ZDHHC17: variants seen among roughly 807,000 people sequenced by gnomAD.
ZDHHC17 encodes the protein zDHHC palmitoyltransferase 17, also known as palmitoyltransferase ZDHHC17.
A neutral mutation model predicts 90.3 loss-of-function variants in ZDHHC17; 40 were observed. The observed-to-expected ratio is 0.44, with a 90% CI of 0.34 to 0.58. ZDHHC17 has a LOEUF of 0.58. ZDHHC17 is among the 20% of genes least tolerant of loss of function. ZDHHC17 has a pLI of 0.01. For missense variants in ZDHHC17, 614 were observed against 780.8 expected (o/e 0.79, Z 2.55); for synonymous variants, 235 against 252.4 (o/e 0.93, Z 0.65).
chr12:76,805,101 G>A (rs1037080700), intron 2 of ZDHHC17, among the ~76,000 whole-genome samples: 1 of 152,052 alleles, frequency 6.6e-6, no homozygotes, highest in Admixed American at 6.6e-5. Flanking sequence ...CATATAGTGA[G>A]ATTTTACATT....
chr12:76,800,481 T>C (rs1845421099), intron 2 of ZDHHC17, among the ~76,000 whole-genome samples: 1 of 152,242 alleles, frequency 6.6e-6, no homozygotes, highest in African/African-American at 2.4e-5. Flanking sequence ...GTTTCTCTCT[T>C]CAGTTCTGTC....
chr12:76,840,535 T>G (rs1953422986), intron 10 of ZDHHC17: 1 of 152,122 alleles, frequency 6.6e-6, no homozygotes, highest in African/African-American at 2.4e-5. Flanking sequence ...GAGACAGGGT[T>G]TTGCCATGTT....
intron 1 of ZDHHC17, among the ~76,000 whole-genome samples, chr12:76,770,301 G>A (rs1282906312): frequency 1.3e-5 from 2 of 152,108 alleles, no homozygotes; most frequent in Non-Finnish European, 2.9e-5. Context: ...GTTGTCTCTG[G>A]GGATTGAAGA....
chr12:76,789,442 A>T lies in ZDHHC17; in HGVS notation c.94-7992A>T, dbSNP rs779031132. On this transcript the variant is annotated intron_variant, in intron 1 of 16. Transcript: ENST00000426126. ...AATACACAATCTCAGTTCAGTTAGG[A>T]CATGTAAGAATAACCTAAAAATGTT... is the stretch of plus-strand genomic sequence containing the variant. Among the ~76,000 whole-genome samples the T allele has an allele frequency of 1.7e-3, 257 of 152,328 alleles. 1 individual carries two copies. The highest frequency in any genetic ancestry group is 3.1e-3 in the Non-Finnish European group (212 of 68,028).
intron 1 of ZDHHC17, among the ~76,000 whole-genome samples, chr12:76,784,217 AC>A (rs1952660621): frequency 6.6e-6 from 1 of 152,214 alleles, no homozygotes; most frequent in Admixed American, 6.5e-5. Flanking sequence ...ATTTTTTTGC[AC>A]CAAAATAAAC....
intron 10 of ZDHHC17, among the ~76,000 whole-genome samples, chr12:76,830,413 G>A (rs894784068): frequency 2.0e-5 from 3 of 152,070 alleles, no homozygotes; most frequent in Non-Finnish European, 2.9e-5. Flanking sequence ...ACTGCATTAT[G>A]TAATTTCAGA....
Position 76,834,690 on chromosome 12 carries a change from A to G in ZDHHC17, c.1141+6200A>G, listed in dbSNP as rs938884347. Among the ~76,000 whole-genome samples the G allele has an allele frequency of 3.9e-5, 6 of 152,344 alleles. No individual in the cohort carries two copies. The East Asian group carries it at 7.7e-4, about 20-fold the overall frequency. ...TCTCTGAGGTTATTAAAGATATTCT[A>G]TAATTTACATTCTCAATCATGTGCA... On this transcript the variant is annotated intron_variant, in intron 10 of 16. Coordinates refer to ENST00000426126, the MANE Select transcript of ZDHHC17 (RefSeq NM_015336.4).
At chr12:76,838,247 C>T (rs913695441) in intron 10 of ZDHHC17, among the ~76,000 whole-genome samples, 1 of 152,016 alleles carries the variant, frequency 6.6e-6, no homozygotes, top group Non-Finnish European at 1.5e-5. Context: ...GGCTGCTTTC[C>T]ATACTGGGTT....
At chr12:76,789,751 A>C (rs888077832) in intron 1 of ZDHHC17, among the ~76,000 whole-genome samples, 3 of 152,218 alleles carry the variant, frequency 2.0e-5, no homozygotes, top group Non-Finnish European at 4.4e-5. Context: ...TTGCCCTTTA[A>C]AATACATAAC....
intron 1 of ZDHHC17, among the ~76,000 whole-genome samples, chr12:76,766,421 A>G (rs1422193190): frequency 4.6e-5 from 7 of 152,216 alleles, no homozygotes; most frequent in Non-Finnish European, 8.8e-5. Context: ...CAAGCTATGA[A>G]TACGTCTCTG....
At chr12:76,810,002 G>A in intron 5 of ZDHHC17, 145 bp downstream of exon 5, 1 of 831,482 alleles carries the variant, frequency 1.2e-6, no homozygotes. Context: ...AGTTTGATAT[G>A]GAGATATTTA....
chr12:76,795,705 A>T (rs181643488), intron 1 of ZDHHC17, among the ~76,000 whole-genome samples: 1 of 152,318 alleles, frequency 6.6e-6, no homozygotes. Context: ...AAAGAAATTA[A>T]ATGGATAAGT....
intron 9 of ZDHHC17, among the ~76,000 whole-genome samples, chr12:76,828,165 G>A (rs1486005583): frequency 1.3e-5 from 2 of 152,072 alleles, no homozygotes; most frequent in African/African-American, 2.4e-5. Context: ...TATATGGAAT[G>A]TAATTTAAAT....
chr12:76,787,617 CCTCT>C (rs3044465), intron 1 of ZDHHC17, among the ~76,000 whole-genome samples: 3,488 of 148,476 alleles, frequency 0.023, 47 homozygotes, highest in Non-Finnish European at 0.034. Context: ...TCTGTCTCTC[CCTCT>C]CTCTCTCTCT....
intron 2 of ZDHHC17, 89 bp from the exon 3 acceptor site, chr12:76,805,228 A>C (rs1012095387): frequency 8.3e-7 from 1 of 1,208,184 alleles, no homozygotes; most frequent in African/African-American, 1.5e-5. Flanking sequence ...TAGTATCAAA[A>C]TGAGGAATTA....
intron 9 of ZDHHC17, 90 bp from the exon 10 acceptor site, chr12:76,828,298 CTA>C: frequency 1.8e-6 from 2 of 1,100,814 alleles, no homozygotes; most frequent in Non-Finnish European, 2.5e-6. Flanking sequence ...CCAATGCTTA[CTA>C]TACAAAATGT....
intron 7 of ZDHHC17, among the ~76,000 whole-genome samples, chr12:76,822,011 A>G (rs910283012): frequency 1.3e-5 from 2 of 152,144 alleles, no homozygotes; most frequent in African/African-American, 4.8e-5. Context: ...AATAAAACTG[A>G]GAGATTTCTG....
intron 5 of ZDHHC17, among the ~76,000 whole-genome samples, chr12:76,810,355 A>G (rs1953004906): frequency 6.6e-6 from 1 of 152,174 alleles, no homozygotes; most frequent in African/African-American, 2.4e-5. Flanking sequence ...CCATAATCAC[A>G]TTAAATATTA....
intron 1 of ZDHHC17, among the ~76,000 whole-genome samples, chr12:76,780,494 A>T (rs1269914170): frequency 6.6e-6 from 1 of 152,234 alleles, no homozygotes; most frequent in Admixed American, 6.5e-5. Context: ...AAAGCAAAAT[A>T]AAAAACTTTA....
Sources: gnomAD v4.1 joint callset for allele counts (sites outside exome capture counted in the v4.1 genomes callset) on GRCh38, gnomAD v4.1.1 for gene constraint, MANE v1.5 for transcripts, NCBI Gene and HGNC (gene_info 2026-07-23, HGNC 2026-07-21) for gene names.